PITPNC1: variants seen among roughly 807,000 people sequenced by gnomAD.
The protein encoded by PITPNC1 is phosphatidylinositol transfer protein cytoplasmic 1.
Under a neutral mutation model 44.7 loss-of-function variants are expected in PITPNC1, and 18 were observed. The observed-to-expected ratio is 0.40, with a 90% CI of 0.28 to 0.60. PITPNC1 has a LOEUF of 0.60. Ranked by LOEUF, PITPNC1 falls within the 20% of genes least tolerant of loss-of-function variation. The probability of loss-of-function intolerance (pLI) is 0.39; values close to 1 mark genes in which losing one functional copy is unlikely to be tolerated. For missense variants in PITPNC1, 290 were observed against 418.4 expected (o/e 0.69, Z 2.68); for synonymous variants, 141 against 149.6 (o/e 0.94, Z 0.42).
At chr17:67,565,093 G>C (rs560652288) in intron 4 of PITPNC1, among the ~76,000 whole-genome samples, 1 of 149,756 alleles carries the variant, frequency 6.7e-6, no homozygotes, top group Non-Finnish European at 1.5e-5. Flanking sequence ...GTGTATACTT[G>C]TTTCCCATGT....
chr17:67,479,078 C>T (rs1168362870), intron 1 of PITPNC1, among the ~76,000 whole-genome samples: 2 of 151,980 alleles, frequency 1.3e-5, no homozygotes, highest in South Asian at 4.2e-4. Flanking sequence ...CTGAAAATCT[C>T]CCGATCCAAA....
chr17:67,680,288 TA>T (rs1218297798), intron 8 of PITPNC1, among the ~76,000 whole-genome samples: 1 of 151,896 alleles, frequency 6.6e-6, no homozygotes, highest in Non-Finnish European at 1.5e-5. Flanking sequence ...TGCTCCCAAT[TA>T]AAAACTACAG....
At chr17:67,507,765 G>A (rs2040126623) in intron 1 of PITPNC1, among the ~76,000 whole-genome samples, 1 of 151,558 alleles carries the variant, frequency 6.6e-6, no homozygotes, top group Admixed American at 6.6e-5. Flanking sequence ...CATTTAGGAG[G>A]TGTGCTCCTG....
chr17:67,629,536 C>G (rs894382756), intron 5 of PITPNC1, among the ~76,000 whole-genome samples: 2 of 152,194 alleles, frequency 1.3e-5, no homozygotes, highest in African/African-American at 4.8e-5. Context: ...ATCAGCCTCC[C>G]GAAGTGCTGG....
At chr17:67,687,974 T>C (rs1012914412) in intron 8 of PITPNC1, among the ~76,000 whole-genome samples, 3 of 151,048 alleles carry the variant, frequency 2.0e-5, no homozygotes, top group Non-Finnish European at 2.9e-5. Context: ...GTGATCTCTT[T>C]GGGTTCCGCC....
intron 5 of PITPNC1, among the ~76,000 whole-genome samples, chr17:67,583,000 C>T (rs1448736743): frequency 3.9e-5 from 6 of 152,224 alleles, no homozygotes; most frequent in African/African-American, 1.4e-4. Flanking sequence ...AGCAGTGGTT[C>T]CCAGCCTTGG....
intron 1 of PITPNC1, among the ~76,000 whole-genome samples, chr17:67,507,183 T>A (rs2040115852): frequency 6.6e-6 from 1 of 152,108 alleles, no homozygotes. Context: ...ATAGAAAGAA[T>A]GACTGAGTCA....
At chr17:67,581,977 G>A (rs2041240893) in intron 5 of PITPNC1, among the ~76,000 whole-genome samples, 1 of 152,054 alleles carries the variant, frequency 6.6e-6, no homozygotes, top group Non-Finnish European at 1.5e-5. Flanking sequence ...AGGTTGCCGT[G>A]AGCAGAGATT....
At chr17:67,515,246 G>A (rs1310264416) in intron 1 of PITPNC1, among the ~76,000 whole-genome samples, 1 of 152,190 alleles carries the variant, frequency 6.6e-6, no homozygotes, top group East Asian at 1.9e-4. Flanking sequence ...TCCTCTAGGG[G>A]TTGTCAGCAG....
chr17:67,616,297 C>T (rs957415436), intron 5 of PITPNC1, among the ~76,000 whole-genome samples: 1 of 152,078 alleles, frequency 6.6e-6, no homozygotes, highest in African/African-American at 2.4e-5. Context: ...TGCACTACCA[C>T]GCCCAGCAAA....
At chr17:67,454,392 T>G (rs1014883872) in intron 1 of PITPNC1, among the ~76,000 whole-genome samples, 5 of 152,200 alleles carry the variant, frequency 3.3e-5, no homozygotes, top group Non-Finnish European at 7.3e-5. Context: ...TCCTGATCTA[T>G]AAAATGAATA....
intron 5 of PITPNC1, among the ~76,000 whole-genome samples, chr17:67,599,837 A>T (rs76458022): frequency 6.6e-6 from 1 of 152,194 alleles, no homozygotes; most frequent in African/African-American, 2.4e-5. Context: ...AAAGAAGTTC[A>T]TGTTCGGGTG....
intron 1 of PITPNC1, among the ~76,000 whole-genome samples, chr17:67,464,484 T>C (rs1387220085): frequency 6.6e-6 from 1 of 152,118 alleles, no homozygotes; most frequent in Non-Finnish European, 1.5e-5. Flanking sequence ...TTTTCAGTCC[T>C]CAAGGACCCA....
At chr17:67,560,546 G>T (rs939379285) in intron 4 of PITPNC1, among the ~76,000 whole-genome samples, 14 of 152,196 alleles carry the variant, frequency 9.2e-5, no homozygotes, top group Admixed American at 1.3e-4. Context: ...TTTCCATTTA[G>T]AAAATGAACT....
chr17:67,437,375 G>A (rs1453989631), intron 1 of PITPNC1, among the ~76,000 whole-genome samples: 1 of 152,126 alleles, frequency 6.6e-6, no homozygotes, highest in African/African-American at 2.4e-5. Context: ...GAACATGGAG[G>A]CAGAAGTTGG....
chr17:67,586,592 T>C (rs1285006417), intron 5 of PITPNC1, among the ~76,000 whole-genome samples: 2 of 151,602 alleles, frequency 1.3e-5, no homozygotes, highest in East Asian at 3.9e-4. Context: ...CAAAACTCCA[T>C]CTCAGGAAAA....
At chr17:67,569,210 TGTAA>T (rs539888352) in intron 4 of PITPNC1, among the ~76,000 whole-genome samples, 2 of 152,344 alleles carry the variant, frequency 1.3e-5, no homozygotes, top group Admixed American at 1.3e-4. Context: ...ATTTTGTTCC[TGTAA>T]GTGTTTCTTA....
intron 1 of PITPNC1, among the ~76,000 whole-genome samples, chr17:67,433,393 G>T (rs963193850): frequency 6.6e-6 from 1 of 152,334 alleles, no homozygotes; most frequent in East Asian, 1.9e-4. Context: ...AAACACGGCT[G>T]TGCTTCTGGG....
At chr17:67,659,529 A>G (rs1370311318) in intron 6 of PITPNC1, among the ~76,000 whole-genome samples, 1 of 152,124 alleles carries the variant, frequency 6.6e-6, no homozygotes, top group Non-Finnish European at 1.5e-5. Context: ...TTCTCTTGAA[A>G]GGCTAAACTG....
Sources: allele counts gnomAD v4.1 joint callset (sites outside exome capture counted in the v4.1 genomes callset), GRCh38; gene constraint gnomAD v4.1.1; transcripts MANE v1.5; gene names NCBI Gene and HGNC (gene_info 2026-07-23, HGNC 2026-07-21).